The following WWOX variants were observed in gnomAD, a reference collection of about 807,000 sequenced individuals.
WWOX encodes the protein WW domain containing oxidoreductase.
Under a neutral mutation model 46.2 loss-of-function variants are expected in WWOX, and 69 were observed. The ratio of observed to expected loss-of-function variants is 1.49; its 90% CI spans 1.23 to 1.82. WWOX has a LOEUF of 1.82. WWOX is among the 40% of genes most tolerant of loss of function. The pLI is 0.00. For synonymous variants in WWOX, 359 were observed against 202.6 expected, an observed-to-expected ratio of 1.77 and a Z score of -6.56; for missense variants, 919 against 542.6, an observed-to-expected ratio of 1.69 and a Z score of -6.89.
rs562767623 is a variant in WWOX at position 78,728,358 on chromosome 16, C to A, written c.1056+295606C>A. 2.6e-5 allele frequency among the ~76,000 whole-genome samples: 4 copies of A among 152,202 alleles called. No homozygotes were observed. In the South Asian group the frequency reaches 8.3e-4, roughly 32 times the overall value. The stretch of plus-strand genomic sequence containing the variant: ...GTGCTAGGATGATGATAGGCAGGAG[C>A]CACCACACCTGGCCATGGATAACAT... On this transcript the variant is annotated intron_variant, in intron 8 of 8. Coordinates refer to ENST00000566780, the MANE Select transcript of WWOX (RefSeq NM_016373.4).
chr16:78,177,720 T>C (rs1189514734), intron 5 of WWOX, among the ~76,000 whole-genome samples: 1 of 152,178 alleles, frequency 6.6e-6, no homozygotes, highest in East Asian at 1.9e-4. Context: ...TGGCTGAGTC[T>C]GAGTGGTGGT....
chr16:78,764,550 C>G (rs968717285), intron 8 of WWOX, among the ~76,000 whole-genome samples: 4 of 141,104 alleles, frequency 2.8e-5, no homozygotes, highest in South Asian at 5.8e-4. Context: ...GTTGACATTT[C>G]TCCTTTGGCC....
intron 5 of WWOX, among the ~76,000 whole-genome samples, chr16:78,254,767 G>A (rs1057036921): frequency 1.3e-5 from 2 of 151,950 alleles, no homozygotes; most frequent in African/African-American, 4.8e-5. Context: ...AAGTTCAAGC[G>A]ATCTGCCTGC....
chr16:78,590,354 G>A (rs980146613), intron 8 of WWOX, among the ~76,000 whole-genome samples: 9 of 152,088 alleles, frequency 5.9e-5, no homozygotes, highest in African/African-American at 2.2e-4. Flanking sequence ...ATTCTAAGAG[G>A]AATCTGAAAG....
chr16:78,424,162 G>A (rs2083022004), intron 6 of WWOX, among the ~76,000 whole-genome samples: 1 of 136,528 alleles, frequency 7.3e-6, no homozygotes, highest in Non-Finnish European at 1.5e-5. Context: ...CTGTTGGTCA[G>A]GCTGGAGTGC....
At chr16:78,823,358 G>A (rs371894198) in intron 8 of WWOX, among the ~76,000 whole-genome samples, 1 of 152,172 alleles carries the variant, frequency 6.6e-6, no homozygotes, top group East Asian at 1.9e-4. Context: ...AATAAGGAAG[G>A]ACAGACTCCC....
At chr16:78,866,054 G>A (rs965745681) in intron 8 of WWOX, among the ~76,000 whole-genome samples, 18 of 152,172 alleles carry the variant, frequency 1.2e-4, no homozygotes, top group African/African-American at 4.1e-4. Context: ...TCACTGCATT[G>A]CTCCAAGGTG....
chr16:78,410,415 G>A (rs559286210), intron 6 of WWOX, among the ~76,000 whole-genome samples: 9 of 152,122 alleles, frequency 5.9e-5, no homozygotes, highest in Non-Finnish European at 8.8e-5. Context: ...CTTCTTTGGG[G>A]GACTTTTATT....
chr16:78,688,609 T>G (rs1217265401), intron 8 of WWOX, among the ~76,000 whole-genome samples: 1 of 152,098 alleles, frequency 6.6e-6, no homozygotes, highest in East Asian at 1.9e-4. Context: ...AGCCACTGCT[T>G]CTCTACCGGG....
At chr16:78,207,385 T>C (rs908401715) in intron 5 of WWOX, among the ~76,000 whole-genome samples, 2 of 152,212 alleles carry the variant, frequency 1.3e-5, no homozygotes, top group South Asian at 2.1e-4. Flanking sequence ...ATATCCCTGA[T>C]AGATATTGCC....
intron 8 of WWOX, among the ~76,000 whole-genome samples, chr16:78,916,282 G>A (rs941175106): frequency 6.6e-6 from 1 of 152,340 alleles, no homozygotes; most frequent in Middle Eastern, 3.4e-3. Flanking sequence ...CAGGGGGTAT[G>A]ATGGATGGAG....
At chr16:79,157,832 C>A (rs11861871) in intron 8 of WWOX, among the ~76,000 whole-genome samples, 31,569 of 152,034 alleles carry the variant, frequency 0.21, 5,038 homozygotes, top group African/African-American at 0.44. Flanking sequence ...GTGGGGAGGA[C>A]TGAACGAGGC....
chr16:79,033,001 T>C (rs140479206), intron 8 of WWOX, among the ~76,000 whole-genome samples: 31 of 151,856 alleles, frequency 2.0e-4, no homozygotes, highest in African/African-American at 6.7e-4. Context: ...TTCCCACTTA[T>C]AAGTGAGAAC....
chr16:78,667,467 A>G lies in WWOX; in HGVS notation c.1056+234715A>G, dbSNP rs536681107. On this transcript the variant is annotated intron_variant, in intron 8 of 8. Transcript: ENST00000566780. ...GGGTGGATCACAAGGTCAGGAGTTC[A>G]AGACCATCCTGGTTAACACGGTGAA... Among the ~76,000 whole-genome samples the G allele has an allele frequency of 4.6e-3, 704 of 152,046 alleles. 4 individuals are homozygous for G. Among genetic ancestry groups the G allele is most frequent in the Middle Eastern group, 0.024 (7 of 294 alleles).
intron 8 of WWOX, chr16:78,825,898 G>A: frequency 1.4e-6 from 1 of 697,558 alleles, no homozygotes; most frequent in Non-Finnish European, 2.6e-6. Flanking sequence ...CTGACCACGT[G>A]AGCATCATGG....
chr16:78,339,259 C>A (rs62034408), intron 5 of WWOX, among the ~76,000 whole-genome samples: 2 of 116,958 alleles, frequency 1.7e-5, no homozygotes, highest in Middle Eastern at 4.2e-3. Context: ...TATTTTTTCC[C>A]TGGAGTTAAT....
At chr16:79,097,913 A>G (rs1009043394) in intron 8 of WWOX, among the ~76,000 whole-genome samples, 1 of 152,176 alleles carries the variant, frequency 6.6e-6, no homozygotes, top group Non-Finnish European at 1.5e-5. Context: ...GGCAACATGC[A>G]TTACAGGCAA....
chr16:78,867,227 G>C (rs1408154698), intron 8 of WWOX, among the ~76,000 whole-genome samples: 1 of 152,178 alleles, frequency 6.6e-6, no homozygotes, highest in Non-Finnish European at 1.5e-5. Flanking sequence ...AGTGCAAGAA[G>C]TTTAGGTGCA....
At chr16:79,183,679 A>T (rs12918972) in intron 8 of WWOX, among the ~76,000 whole-genome samples, 2 of 152,216 alleles carry the variant, frequency 1.3e-5, no homozygotes, top group Non-Finnish European at 2.9e-5. Context: ...TGAACTCTGC[A>T]TGTTTCAGCC....
Sources: gnomAD v4.1 joint callset for allele counts (sites outside exome capture counted in the v4.1 genomes callset) on GRCh38, gnomAD v4.1.1 for gene constraint, MANE v1.5 for transcripts, NCBI Gene and HGNC (gene_info 2026-07-23, HGNC 2026-07-21) for gene names.